Variants in GUCY2F observed in about 807,000 individuals in gnomAD.
The protein encoded by GUCY2F is retinal guanylyl cyclase 2.
A neutral mutation model predicts 73.1 loss-of-function variants in GUCY2F; 61 were observed. The ratio of observed to expected loss-of-function variants is 0.83; its 90% CI spans 0.68 to 1.03. The LOEUF is 1.03. GUCY2F is among the 50% of genes least tolerant of loss of function. The pLI, the probability that GUCY2F is intolerant of heterozygous loss-of-function variation, is 0.00. For missense variants in GUCY2F, 912 were observed against 854.3 expected (o/e 1.07, Z -0.84); for synonymous variants, 331 against 307.8 (o/e 1.08, Z -0.79).
chrX:109,408,408 CTT>C (rs1931023492), intron 9 of GUCY2F, among the ~76,000 whole-genome samples: 1 of 112,252 alleles, frequency 8.9e-6, no homozygotes, highest in African/African-American at 3.2e-5. Flanking sequence ...TCAGATGAGA[CTT>C]TGGACTGTGG....
chrX:109,426,764 C>T (rs1931499540), intron 8 of GUCY2F, among the ~76,000 whole-genome samples: 4 of 111,468 alleles, frequency 3.6e-5, no homozygotes. Flanking sequence ...CAGTGTTTGG[C>T]CAAAGTAGAA....
chrX:109,452,356 C>T (rs1442700247), intron 4 of GUCY2F, among the ~76,000 whole-genome samples: 1 of 112,118 alleles, frequency 8.9e-6, no homozygotes, highest in Non-Finnish European at 1.9e-5. Context: ...TAAGGCTGAC[C>T]AGAGTGTTTC....
chrX:109,457,615 A>G (rs192687608), intron 3 of GUCY2F, among the ~76,000 whole-genome samples: 14 of 111,688 alleles, frequency 1.3e-4, no homozygotes, highest in African/African-American at 4.6e-4. Context: ...TGGGGTAGAA[A>G]GACAATCTTA....
At chrX:109,456,804 T>C (rs963115913) in intron 3 of GUCY2F, among the ~76,000 whole-genome samples, 3 of 111,947 alleles carry the variant, frequency 2.7e-5, no homozygotes, top group East Asian at 2.8e-4. Flanking sequence ...GCTTCACCCA[T>C]GGTGCCCTTC....
At chrX:109,467,859 T>C (rs1204684726) in intron 2 of GUCY2F, among the ~76,000 whole-genome samples, 2 of 112,294 alleles carry the variant, frequency 1.8e-5, no homozygotes, top group Admixed American at 1.9e-4. Flanking sequence ...AATCAAAACT[T>C]TTTTCCATCT....
intron 6 of GUCY2F, among the ~76,000 whole-genome samples, chrX:109,446,496 A>T (rs1247481163): frequency 2.7e-5 from 3 of 110,617 alleles, no homozygotes; most frequent in Non-Finnish European, 5.6e-5. Flanking sequence ...CTGATCTTTG[A>T]CAAACCTGAC....
intron 8 of GUCY2F, among the ~76,000 whole-genome samples, chrX:109,414,128 T>G (rs141878109): frequency 4.5e-5 from 5 of 109,916 alleles, no homozygotes; most frequent in Non-Finnish European, 9.5e-5. Context: ...CGTGCCACCA[T>G]GCCCAACTAA....
At chrX:109,449,363 A>G (rs1932089968) in intron 5 of GUCY2F, among the ~76,000 whole-genome samples, 1 of 112,472 alleles carries the variant, frequency 8.9e-6, no homozygotes, top group Non-Finnish European at 1.9e-5. Flanking sequence ...GAGAAAATTA[A>G]AAGAGCCCTG....
intron 7 of GUCY2F, among the ~76,000 whole-genome samples, chrX:109,433,554 A>T (rs750824669): frequency 9.0e-6 from 1 of 111,649 alleles, no homozygotes; most frequent in South Asian, 3.8e-4. Context: ...GCAAATTTTT[A>T]TTGAGTCTGT....
At position 109,404,469 on chromosome X, in the gene GUCY2F, G is replaced by A. The variant is rs1011483509; in HGVS notation, c.1984C>T (p.His662Tyr). 2.5e-6 allele frequency: 3 copies of A among 1,189,333 alleles called. No individual in the cohort carries two copies. The African/African-American group carries it at 5.3e-5, about 21-fold the overall frequency. ...LDLIKGMKYL[H>Y]HREFVHGRLK... Reference sequence around the variant, plus strand: ...CTCCCATGAACAAACTCTCTGTGGTGTAAGTACTTCATGCCCTGTAGATGA... The same window carrying A: ...CTCCCATGAACAAACTCTCTGTGGTATAAGTACTTCATGCCCTGTAGATGA... The change falls in exon 10 of 20, where the codon CAC becomes TAC. Residue 662 changes from histidine to tyrosine, a missense_variant. Transcript: ENST00000218006.
intron 1 of GUCY2F, among the ~76,000 whole-genome samples, chrX:109,481,056 A>AAGGG (rs1932761672): frequency 2.3e-5 from 1 of 43,114 alleles, no homozygotes; most frequent in Non-Finnish European, 4.9e-5. Context: ...GGAAGGAAGG[A>AAGGG]AGGAAGGAAG....
chrX:109,394,535 G>A (rs1404989749), intron 12 of GUCY2F, among the ~76,000 whole-genome samples: 5 of 111,907 alleles, frequency 4.5e-5, no homozygotes, highest in Non-Finnish European at 7.5e-5. Flanking sequence ...TCTCATTGCT[G>A]TACTCCAGCC....
intron 8 of GUCY2F, among the ~76,000 whole-genome samples, chrX:109,414,452 C>G (rs1931192296): frequency 1.8e-5 from 2 of 112,268 alleles, no homozygotes; most frequent in Non-Finnish European, 3.8e-5. Context: ...TAACCAGGTA[C>G]TAGTGAAAGA....
intron 7 of GUCY2F, among the ~76,000 whole-genome samples, chrX:109,434,451 G>A (rs934545449): frequency 3.7e-5 from 4 of 109,045 alleles, no homozygotes; most frequent in Non-Finnish European, 7.6e-5. Context: ...GTAGTACAAC[G>A]TGATGGCATG....
intron 2 of GUCY2F, among the ~76,000 whole-genome samples, chrX:109,467,305 C>T (rs369642091): frequency 2.7e-5 from 3 of 111,734 alleles, no homozygotes; most frequent in East Asian, 2.8e-4. Flanking sequence ...TCCATTGAGG[C>T]GGGGAAAATG....
intron 3 of GUCY2F, among the ~76,000 whole-genome samples, chrX:109,463,114 T>C (rs746162530): frequency 4.0e-4 from 45 of 111,725 alleles, no homozygotes; most frequent in Middle Eastern, 4.6e-3. Flanking sequence ...CAGAAAGAGA[T>C]ACATAAACCT....
intron 2 of GUCY2F, among the ~76,000 whole-genome samples, chrX:109,468,002 G>C (rs139142545): frequency 0.01 from 1,121 of 111,861 alleles, 15 homozygotes; most frequent in African/African-American, 0.035. Flanking sequence ...AACTCTGAAG[G>C]GTCATACCAG....
rs182879355 is a variant in GUCY2F, at chrX:109,399,241, G to T, written c.2126-543C>A. 2.7e-5 allele frequency among the ~76,000 whole-genome samples: 3 copies of T among 112,698 alleles called. No homozygotes were observed. The East Asian group carries it at 8.4e-4, about 31-fold the overall frequency. Reference sequence around the variant, plus strand: ...TCAGTTCTGCAAATATTTATTGATGGTCTACTATGTACCATGCCCTGTGCT... The same window carrying T: ...TCAGTTCTGCAAATATTTATTGATGTTCTACTATGTACCATGCCCTGTGCT... On this transcript the variant is annotated intron_variant, in intron 10 of 19. Coordinates refer to ENST00000218006, the MANE Select transcript of GUCY2F (RefSeq NM_001522.3).
At chrX:109,438,005 A>C (rs1931791157) in intron 7 of GUCY2F, among the ~76,000 whole-genome samples, 2 of 112,658 alleles carry the variant, frequency 1.8e-5, no homozygotes, top group South Asian at 7.3e-4. Flanking sequence ...TCCTGCTACT[A>C]ATTTAAGTCA....
Sources: gnomAD v4.1 joint callset for allele counts (sites outside exome capture counted in the v4.1 genomes callset) on GRCh38, gnomAD v4.1.1 for gene constraint, MANE v1.5 for transcripts, NCBI Gene and HGNC (gene_info 2026-07-23, HGNC 2026-07-21) for gene names.